RC3H1: variants seen among roughly 807,000 people sequenced by gnomAD.
RC3H1 encodes the protein ring finger and CCCH-type domains 1, also known as roquin-1.
Under a neutral mutation model 138.2 loss-of-function variants are expected in RC3H1, and 50 were observed. The ratio of observed to expected loss-of-function variants is 0.36; its 90% confidence interval spans 0.29 to 0.46. The LOEUF is 0.46. Ranked by LOEUF, RC3H1 falls within the 20% of genes least tolerant of loss-of-function variation. The pLI is 1.00. For synonymous variants in RC3H1, 462 were observed against 489.1 expected, an observed-to-expected ratio of 0.94 and a Z score of 0.73; for missense variants, 1,031 against 1,388.1, an observed-to-expected ratio of 0.74 and a Z score of 4.09.
intron 14 of RC3H1, among the ~76,000 whole-genome samples, chr1:173,951,016 C>T (rs138447066): frequency 6.6e-6 from 1 of 150,844 alleles, no homozygotes; most frequent in Non-Finnish European, 1.5e-5. Flanking sequence ...AAGATCGATC[C>T]TATCTCTATA....
At chr1:173,968,915 A>G (rs1431796264) in intron 9 of RC3H1, among the ~76,000 whole-genome samples, 1 of 134,988 alleles carries the variant, frequency 7.4e-6, no homozygotes, top group Non-Finnish European at 1.5e-5. Context: ...CTGGAGTGCT[A>G]CGGTGCAATC....
intron 19 of RC3H1, among the ~76,000 whole-genome samples, chr1:173,939,583 TCCCAGCACTTTGGGAGG>T (rs1658751262): frequency 8.2e-6 from 1 of 122,192 alleles, no homozygotes; most frequent in Non-Finnish European, 1.7e-5. Flanking sequence ...ATGCCTGTAA[TCCCAGCACTTTGGGAGG>T]CCGAGGCGGG....
intron 2 of RC3H1, 103 bp from the exon 3 acceptor site, chr1:173,984,722 G>T (rs60551050): frequency 1.8e-6 from 2 of 1,138,592 alleles, no homozygotes; most frequent in African/African-American, 1.6e-5. Flanking sequence ...ACATCAAAAC[G>T]CCCACTAAAT....
chr1:173,983,369 A>G, intron 4 of RC3H1, 49 bp downstream of exon 4: 1 of 1,602,024 alleles, frequency 6.2e-7, no homozygotes. Context: ...TTCCTACATC[A>G]TACTTTTAGA....
At chr1:173,944,224 T>C (rs1440085703) in intron 17 of RC3H1, among the ~76,000 whole-genome samples, 1 of 150,270 alleles carries the variant, frequency 6.7e-6, no homozygotes, top group African/African-American at 2.5e-5. Context: ...CAACTACAGA[T>C]GTGCATCTTT....
rs564227133 is a variant in RC3H1, at chr1:174,010,370, T to C, written c.-151+11726A>G. Among the ~76,000 whole-genome samples, 29 of 152,216 alleles carry C rather than the reference T, an allele frequency of 1.9e-4. 2 individuals are homozygous for C. The South Asian group carries it at 6.0e-3, about 32-fold the overall frequency. On this transcript the variant is annotated intron_variant, in intron 1 of 19. Coordinates refer to ENST00000367696, the MANE Select transcript of RC3H1 (RefSeq NM_172071.4). ...CCTGAATGAAATAAAGTCCTTGCTC[T>C]CATACAGAATACAGTCTTATCACCT...
At chr1:174,003,519 C>T (rs1016426158) in intron 1 of RC3H1, among the ~76,000 whole-genome samples, 1 of 151,964 alleles carries the variant, frequency 6.6e-6, no homozygotes, top group African/African-American at 2.4e-5. Flanking sequence ...TTTCTTAAAA[C>T]CTTCTTATCC....
At position 173,978,750 on chromosome 1, in the gene RC3H1, G is replaced by A. The variant is rs150775214; in HGVS notation, c.970-130C>T. Reference sequence around the variant, plus strand: ...ATCTTCCCATATACCCTACACTTTGGCCAGAGTAGATTACTTGCTACCCAA... The same window carrying A: ...ATCTTCCCATATACCCTACACTTTGACCAGAGTAGATTACTTGCTACCCAA... On this transcript the variant is annotated intron_variant, in intron 6 of 19. Transcript: ENST00000367696. The A allele has an allele frequency of 6.4e-6, 6 of 944,098 alleles. No homozygotes were observed. In the East Asian group the frequency reaches 1.6e-4, roughly 26 times the overall value. 58.5% of individuals were successfully genotyped at this position (944,098 alleles called of 1,614,324 possible). A position where few individuals can be genotyped will look rare whatever the true frequency, so the allele number is the denominator to read the frequency against.
chr1:173,944,174 CAAAAA>C (rs201962234), intron 17 of RC3H1, among the ~76,000 whole-genome samples: 1 of 57,540 alleles, frequency 1.7e-5, no homozygotes. Flanking sequence ...CTTTGTCTCT[CAAAAA>C]AAAAAAAAAA....
In RC3H1 at chr1:173,980,824, C is replaced by T; in HGVS notation, c.954G>A (p.Gln318=). 5 of 1,613,708 alleles carry T rather than the reference C, an allele frequency of 3.1e-6. No individual in the cohort carries two copies. The highest frequency in any genetic ancestry group is 4.2e-6 in the Non-Finnish European group (5 of 1,179,672). The change falls in exon 6 of 20, where the codon CAG becomes CAA. Residue 318 remains glutamine, a synonymous_variant. Transcript: ENST00000367696. Reference sequence around the variant, plus strand: ...AAGGTCCTACCTTGTCAATAATGGACTGCATATGAGATTTGTGAGACTGGT... The same window carrying T: ...AAGGTCCTACCTTGTCAATAATGGATTGCATATGAGATTTGTGAGACTGGT... The part of the protein sequence containing the change: ...YGDQSHKSHM[Q]SIIDKLQTPA...
In RC3H1 at chr1:173,937,631, A is replaced by G. The variant is rs1658662527; in HGVS notation, c.*1090T>C. 6.6e-6 allele frequency: 1 copy of G among 152,230 alleles called. No individual in the cohort carries two copies. Among genetic ancestry groups the G allele is most frequent in the South Asian group, 2.1e-4 (1 of 4,830 alleles). The allele number at this position is 152,230 out of a possible 1,614,324, so 9.4% of individuals were successfully genotyped here. On this transcript the variant is annotated 3_prime_UTR_variant, in exon 20 of 20. Transcript: ENST00000367696. The stretch of plus-strand genomic sequence containing the variant: ...AAACTATTTCCTACCTACTTATACT[A>G]ATGATTCTGAGCAACAAGTGATCAA...
At chr1:173,993,708 A>T (rs1013452774) in intron 1 of RC3H1, among the ~76,000 whole-genome samples, 3 of 151,070 alleles carry the variant, frequency 2.0e-5, no homozygotes, top group Non-Finnish European at 3.0e-5. Context: ...TCTAATTTTT[A>T]AAAAATAAAT....
rs116775658 is a variant in RC3H1, at chr1:173,953,658, C to T, written c.2371-1520G>A. ...AAATTTATATACTGACATACAAAGA[C>T]GGCCAGGAGAATGGATTAGGTAAAA... On this transcript the variant is annotated intron_variant, in intron 13 of 19. Coordinates refer to ENST00000367696, the MANE Select transcript of RC3H1 (RefSeq NM_172071.4). Among the ~76,000 whole-genome samples, 458 of 152,146 alleles carry T rather than the reference C, an allele frequency of 3.0e-3. 2 individuals carry two copies. The highest frequency in any genetic ancestry group is 0.01 in the African/African-American group (429 of 41,494).
At chr1:174,020,084 T>TA (rs1218853845) in intron 1 of RC3H1, among the ~76,000 whole-genome samples, 15 of 150,328 alleles carry the variant, frequency 1.0e-4, no homozygotes, top group African/African-American at 3.2e-4. Context: ...TAAGTATCAT[T>TA]ATAACACAGA....
intron 1 of RC3H1, among the ~76,000 whole-genome samples, chr1:174,006,499 A>C (rs74126486): frequency 0.033 from 5,003 of 152,322 alleles, 100 homozygotes; most frequent in Middle Eastern, 0.095. Context: ...TGATTTAGTC[A>C]TAATTTGAAC....
intron 2 of RC3H1, 22 bp downstream of exon 2, chr1:173,992,733 A>T: frequency 1.3e-6 from 2 of 1,539,724 alleles, no homozygotes; most frequent in Non-Finnish European, 9.0e-7. Flanking sequence ...GAAATTTAAA[A>T]GTATTAAGTC....
intron 2 of RC3H1, among the ~76,000 whole-genome samples, chr1:173,984,931 C>T (rs1362877952): frequency 6.6e-6 from 1 of 152,108 alleles, no homozygotes; most frequent in Admixed American, 6.6e-5. Flanking sequence ...CTTTTCATTA[C>T]CCCAAAAAGA....
Position 173,952,108 on chromosome 1 carries a change from TC to T in RC3H1, c.2400del (p.Lys801AsnfsTer40). ...EFLDEDLKVAGKYKGNDYSQY... is the reference protein window; with the variant it reads ...EFLDEDLKVAXKYKGNDYSQY... ...TGGCTATAATCATTTCCTTTGTATT[TC>T]CCAGCTACCTTCAAGTCTTCATCCA... On this transcript the variant is annotated frameshift_variant, in exon 14 of 20. Coordinates refer to ENST00000367696, the MANE Select transcript of RC3H1 (RefSeq NM_172071.4). LOFTEE classifies it high-confidence loss of function. The T allele has an allele frequency of 6.3e-7, 1 of 1,579,624 alleles. No individual in the cohort carries two copies. The highest frequency in any genetic ancestry group is 1.2e-5 in the South Asian group (1 of 84,394).
At chr1:173,956,871 T>G (rs1557927225) in intron 13 of RC3H1, among the ~76,000 whole-genome samples, 1 of 152,118 alleles carries the variant, frequency 6.6e-6, no homozygotes, top group African/African-American at 2.4e-5. Context: ...ATTTCTATAA[T>G]GTATGAATTT....
Sources: gnomAD v4.1 joint callset for allele counts (sites outside exome capture counted in the v4.1 genomes callset) on GRCh38, gnomAD v4.1.1 for gene constraint, MANE v1.5 for transcripts, NCBI Gene and HGNC (gene_info 2026-07-23, HGNC 2026-07-21) for gene names.